ROBO2: variants seen among roughly 807,000 people sequenced by gnomAD.
ROBO2 encodes the protein roundabout guidance receptor 2.
In ROBO2, 53 loss-of-function variants were observed where a neutral mutation model predicts 160.8. The ratio of observed to expected loss-of-function variants is 0.33; its 90% CI spans 0.26 to 0.41. ROBO2 has a LOEUF of 0.41. ROBO2 is among the 10% of genes least tolerant of loss of function. ROBO2 has a pLI of 1.00. For missense variants in ROBO2, 1,577 were observed against 1,722.4 expected (o/e 0.92, Z 1.49); for synonymous variants, 664 against 611.7 (o/e 1.09, Z -1.26).
intron 2 of ROBO2, among the ~76,000 whole-genome samples, chr3:76,261,400 A>G (rs1706753159): frequency 6.6e-6 from 1 of 151,874 alleles, no homozygotes; most frequent in Non-Finnish European, 1.5e-5. Flanking sequence ...TAAGGGTGGC[A>G]CAAATTTTTC....
At chr3:76,782,108 G>A (rs1461304546) in intron 2 of ROBO2, among the ~76,000 whole-genome samples, 1 of 150,566 alleles carries the variant, frequency 6.6e-6, no homozygotes, top group Admixed American at 6.6e-5. Flanking sequence ...AAGTTTTTAG[G>A]AATTCATCCA....
At chr3:76,652,969 T>C (rs1266638021) in intron 2 of ROBO2, among the ~76,000 whole-genome samples, 1 of 152,190 alleles carries the variant, frequency 6.6e-6, no homozygotes, top group Non-Finnish European at 1.5e-5. Context: ...CTAAAATATA[T>C]TCATGATATT....
At chr3:77,010,259 C>T (rs1037795278) in intron 2 of ROBO2, among the ~76,000 whole-genome samples, 1 of 152,100 alleles carries the variant, frequency 6.6e-6, no homozygotes, top group Non-Finnish European at 1.5e-5. Context: ...CTTGATTCCC[C>T]TCATTCTCTC....
intron 2 of ROBO2, among the ~76,000 whole-genome samples, chr3:76,694,148 A>G (rs1324893206): frequency 6.6e-6 from 1 of 152,206 alleles, no homozygotes; most frequent in Non-Finnish European, 1.5e-5. Flanking sequence ...CTAATGCCTC[A>G]CTTACATCAG....
At chr3:77,166,590 A>G (rs1025075457) in intron 2 of ROBO2, among the ~76,000 whole-genome samples, 1 of 151,724 alleles carries the variant, frequency 6.6e-6, no homozygotes, top group Non-Finnish European at 1.5e-5. Flanking sequence ...GCGGAGTCTC[A>G]CTCTGTCGCC....
At chr3:77,160,966 A>C (rs2078435892) in intron 2 of ROBO2, among the ~76,000 whole-genome samples, 1 of 152,160 alleles carries the variant, frequency 6.6e-6, no homozygotes. Context: ...ATGGATTCAG[A>C]ATATGTAGAG....
intron 2 of ROBO2, among the ~76,000 whole-genome samples, chr3:76,451,769 T>A (rs1279264320): frequency 3.3e-5 from 5 of 152,160 alleles, no homozygotes; most frequent in Admixed American, 6.6e-5. Flanking sequence ...AGACAGAACA[T>A]CATTTATGAC....
chr3:77,308,439 T>C (rs928539036), intron 2 of ROBO2, among the ~76,000 whole-genome samples: 1 of 152,052 alleles, frequency 6.6e-6, no homozygotes, highest in Admixed American at 6.6e-5. Context: ...AACCTAGACT[T>C]CCTAAGTGGC....
At chr3:76,395,626 A>G (rs540944290) in intron 2 of ROBO2, among the ~76,000 whole-genome samples, 15 of 152,262 alleles carry the variant, frequency 9.9e-5, no homozygotes, top group African/African-American at 3.6e-4. Flanking sequence ...GCAATAAAAA[A>G]TGACAAAGGG....
intron 2 of ROBO2, among the ~76,000 whole-genome samples, chr3:77,367,720 A>G (rs769763165): frequency 4.6e-5 from 7 of 152,074 alleles, no homozygotes; most frequent in Non-Finnish European, 8.8e-5. Flanking sequence ...TGGATGAAAT[A>G]TTACCGCTAG....
chr3:77,640,578 AT>A (rs201071823), intron 24 of ROBO2, among the ~76,000 whole-genome samples: 2,251 of 152,164 alleles, frequency 0.015, 64 homozygotes, highest in African/African-American at 0.051. Context: ...TTGTGCCTTC[AT>A]TTTCTTGTCT....
At chr3:76,231,017 C>T (rs1415719413) in intron 2 of ROBO2, among the ~76,000 whole-genome samples, 2 of 152,208 alleles carry the variant, frequency 1.3e-5, no homozygotes, top group East Asian at 1.9e-4. Context: ...GCACGAATCA[C>T]GTGTCCCTCA....
At chr3:77,493,190 A>G in intron 4 of ROBO2, 54 bp from the exon 5 acceptor site, 1 of 1,582,422 alleles carries the variant, frequency 6.3e-7, no homozygotes, top group Non-Finnish European at 8.7e-7. Context: ...AATGTACTTA[A>G]AGCATGCATA....
chr3:76,147,620 T>G (rs1357595821), intron 2 of ROBO2, among the ~76,000 whole-genome samples: 1 of 151,982 alleles, frequency 6.6e-6, no homozygotes, highest in Admixed American at 6.6e-5. Context: ...ACATATATGC[T>G]CAGTAACATA....
At chr3:76,881,968 G>A (rs1459837679) in intron 2 of ROBO2, among the ~76,000 whole-genome samples, 5 of 151,512 alleles carry the variant, frequency 3.3e-5, no homozygotes, top group Admixed American at 6.6e-5. Flanking sequence ...CTGTTGGGTG[G>A]TAGGTTGGTT....
chr3:77,360,099 A>T lies in ROBO2; in HGVS notation c.389-117315A>T, dbSNP rs536071959. 3.3e-5 allele frequency among the ~76,000 whole-genome samples: 5 copies of T among 152,296 alleles called. No homozygotes were observed. The East Asian group carries it at 7.7e-4, about 24-fold the overall frequency. ...GCTAGGGATGAAATCCCCTAAGTTT[A>T]TTTAGCACTTAAAATAATACTCTCT... On this transcript the variant is annotated intron_variant, in intron 2 of 25. Coordinates refer to ENST00000461745, the Ensembl canonical transcript of ROBO2.
intron 2 of ROBO2, among the ~76,000 whole-genome samples, chr3:76,243,751 T>G (rs1050995024): frequency 3.3e-5 from 5 of 152,204 alleles, no homozygotes; most frequent in Non-Finnish European, 5.9e-5. Context: ...CCCTCAATAT[T>G]TTTTTATTTC....
intron 2 of ROBO2, among the ~76,000 whole-genome samples, chr3:76,150,345 G>GCACACATCTGTCTAAAA (rs2072128338): frequency 1.2e-5 from 1 of 84,874 alleles, no homozygotes; most frequent in Non-Finnish European, 2.6e-5. Flanking sequence ...TCTGTCTAAA[G>GCACACATCTGTCTAAAA]CACACATCTG....
At chr3:77,128,596 T>C (rs1379802085) in intron 2 of ROBO2, among the ~76,000 whole-genome samples, 1 of 152,264 alleles carries the variant, frequency 6.6e-6, no homozygotes, top group Non-Finnish European at 1.5e-5. Context: ...TCCATCTATT[T>C]TGCTTTCTTG....
Sources: allele counts gnomAD v4.1 joint callset (sites outside exome capture counted in the v4.1 genomes callset), GRCh38; gene constraint gnomAD v4.1.1; transcripts MANE v1.5; gene names NCBI Gene and HGNC (gene_info 2026-07-23, HGNC 2026-07-21).